SGCZ: variants seen among roughly 807,000 people sequenced by gnomAD.
SGCZ encodes the protein zeta-sarcoglycan.
SGCZ carries 40 observed loss-of-function variants against 41.3 expected under a neutral mutation model. The observed-to-expected ratio is 0.97, with a 90% CI of 0.75 to 1.26. SGCZ has a LOEUF of 1.26. Ranked by LOEUF, SGCZ falls within the 50% of genes most tolerant of loss-of-function variation. The pLI, the probability that SGCZ is intolerant of heterozygous loss-of-function variation, is 0.00. For synonymous variants in SGCZ, 206 were observed against 137.5 expected (o/e 1.50, Z -3.49); for missense variants, 552 against 369.8 (o/e 1.49, Z -4.04).
chr8:14,639,155 C>G (rs76460209), intron 1 of SGCZ, among the ~76,000 whole-genome samples: 16,228 of 149,800 alleles, frequency 0.11, 1,064 homozygotes, highest in African/African-American at 0.19. Context: ...AAGTGATTCT[C>G]CTGTCTCAGA....
intron 1 of SGCZ, among the ~76,000 whole-genome samples, chr8:14,648,630 T>C (rs1408029624): frequency 6.6e-6 from 1 of 152,120 alleles, no homozygotes; most frequent in African/African-American, 2.4e-5. Flanking sequence ...TTATATTTAA[T>C]TTCTTTAAAT....
At chr8:14,347,869 T>C (rs992997935) in intron 2 of SGCZ, among the ~76,000 whole-genome samples, 6 of 152,034 alleles carry the variant, frequency 3.9e-5, no homozygotes, top group Non-Finnish European at 8.8e-5. Flanking sequence ...TGTACTCAGG[T>C]TGTAACCAAG....
At chr8:15,174,142 T>A (rs1170606771) in intron 1 of SGCZ, among the ~76,000 whole-genome samples, 1 of 152,220 alleles carries the variant, frequency 6.6e-6, no homozygotes, top group Non-Finnish European at 1.5e-5. Flanking sequence ...ATCATGGGAA[T>A]GCCTTCACAG....
chr8:14,817,569 T>G (rs1160278177), intron 1 of SGCZ, among the ~76,000 whole-genome samples: 1 of 152,102 alleles, frequency 6.6e-6, no homozygotes, highest in Non-Finnish European at 1.5e-5. Flanking sequence ...TGAGACACCA[T>G]TGTCACTATA....
At chr8:14,983,834 G>A (rs1801748103) in intron 1 of SGCZ, among the ~76,000 whole-genome samples, 2 of 152,082 alleles carry the variant, frequency 1.3e-5, no homozygotes, top group Non-Finnish European at 2.9e-5. Context: ...TCATAATAAA[G>A]CCCAACTGCA....
At chr8:14,757,522 T>C (rs188541903) in intron 1 of SGCZ, among the ~76,000 whole-genome samples, 1 of 152,112 alleles carries the variant, frequency 6.6e-6, no homozygotes, top group Admixed American at 6.5e-5. Context: ...CTCAGAGCAG[T>C]CTAGACTCCT....
intron 2 of SGCZ, among the ~76,000 whole-genome samples, chr8:14,378,420 T>C (rs1804222907): frequency 6.6e-6 from 1 of 152,080 alleles, no homozygotes; most frequent in Non-Finnish European, 1.5e-5. Flanking sequence ...AAAGCCACAA[T>C]TGACAAATGG....
chr8:14,425,660 T>C (rs1161454033), intron 2 of SGCZ, among the ~76,000 whole-genome samples: 3 of 151,842 alleles, frequency 2.0e-5, no homozygotes, highest in Non-Finnish European at 4.4e-5. Flanking sequence ...GAAAAGTACA[T>C]CTTACAAATG....
At chr8:14,883,780 T>G (rs1243492052) in intron 1 of SGCZ, among the ~76,000 whole-genome samples, 5 of 136,238 alleles carry the variant, frequency 3.7e-5, no homozygotes, top group African/African-American at 1.1e-4. Context: ...CCTGTTGTTT[T>G]TTTTTTTTTT....
intron 1 of SGCZ, among the ~76,000 whole-genome samples, chr8:15,222,798 T>G (rs553680669): frequency 6.6e-6 from 1 of 152,076 alleles, no homozygotes; most frequent in East Asian, 1.9e-4. Context: ...CGTGCATGTG[T>G]GGGTGTGTGT....
At chr8:15,207,041 G>A (rs950741865) in intron 1 of SGCZ, among the ~76,000 whole-genome samples, 4 of 152,200 alleles carry the variant, frequency 2.6e-5, no homozygotes, top group African/African-American at 7.2e-5. Flanking sequence ...ACTACAAGAC[G>A]AAGGGATGTG....
At chr8:14,508,777 G>T (rs977731629) in intron 2 of SGCZ, among the ~76,000 whole-genome samples, 1 of 152,150 alleles carries the variant, frequency 6.6e-6, no homozygotes, top group Non-Finnish European at 1.5e-5. Context: ...CGTTTCACAT[G>T]TATTTATGTG....
At chr8:14,561,749 G>C (rs1446937908) in intron 1 of SGCZ, among the ~76,000 whole-genome samples, 3 of 152,084 alleles carry the variant, frequency 2.0e-5, no homozygotes, top group Non-Finnish European at 2.9e-5. Context: ...ATTCAGGGAA[G>C]AGCTGGTTTA....
chr8:14,845,122 G>A (rs1456708188), intron 1 of SGCZ, among the ~76,000 whole-genome samples: 2 of 152,122 alleles, frequency 1.3e-5, no homozygotes, highest in Non-Finnish European at 2.9e-5. Context: ...GAAGGACAGG[G>A]AAAGAACACC....
At chr8:15,191,707 T>C (rs911155020) in intron 1 of SGCZ, among the ~76,000 whole-genome samples, 3 of 151,976 alleles carry the variant, frequency 2.0e-5, no homozygotes, top group African/African-American at 7.3e-5. Context: ...GCTGTAGAGA[T>C]AAAGCATGTA....
rs560248171 is a variant in SGCZ at position 14,249,996 on chromosome 8, T to C, written c.337-12317A>G. ...AACTAAGAAGATTACTCCAACCCAG[T>C]GCTTACAAATCAATAATGTACATAC... On this transcript the variant is annotated intron_variant, in intron 3 of 7. Coordinates refer to ENST00000382080, the MANE Select transcript of SGCZ (RefSeq NM_139167.4). Among the ~76,000 whole-genome samples the C allele has an allele frequency of 9.8e-5, 15 of 152,346 alleles. No individual in the cohort carries two copies. The South Asian group carries it at 2.7e-3, about 27-fold the overall frequency.
chr8:15,172,200 C>T (rs536860091), intron 1 of SGCZ, among the ~76,000 whole-genome samples: 5 of 106,564 alleles, frequency 4.7e-5, no homozygotes, highest in African/African-American at 8.3e-5. Context: ...TTCGCTCTGT[C>T]GCCCAGGCTG....
intron 1 of SGCZ, among the ~76,000 whole-genome samples, chr8:14,903,623 A>G (rs758385641): frequency 6.6e-6 from 1 of 152,102 alleles, no homozygotes; most frequent in East Asian, 1.9e-4. Context: ...AGTCACTTCT[A>G]TGAAATAGGA....
In SGCZ at chr8:15,103,400, CTAAA is replaced by C. The variant is rs3069836; in HGVS notation, c.39+134181_39+134184del. On this transcript the variant is annotated intron_variant, in intron 1 of 7. Transcript: ENST00000382080. ...TAGGCAACCAAGTGAGACCCTGTCT[CTAAA>C]TAAATAAATAAATAAATAAATAAAT... is the stretch of plus-strand genomic sequence containing the variant. Among the ~76,000 whole-genome samples the C allele has an allele frequency of 1.5e-3, 216 of 143,360 alleles. 2 individuals carry two copies. Among genetic ancestry groups the C allele is most frequent in the East Asian group, 3.5e-3 (17 of 4,890 alleles). 94.0% of individuals were successfully genotyped at this position (143,360 alleles called of 152,430 possible).
Sources: allele counts gnomAD v4.1 joint callset (sites outside exome capture counted in the v4.1 genomes callset), GRCh38; gene constraint gnomAD v4.1.1; transcripts MANE v1.5; gene names NCBI Gene and HGNC (gene_info 2026-07-23, HGNC 2026-07-21).